LRRC7: variants seen among roughly 807,000 people sequenced by gnomAD.
LRRC7 encodes leucine-rich repeat-containing protein 7.
A neutral mutation model predicts 175.7 loss-of-function variants in LRRC7; 23 were observed. That is an observed-to-expected ratio of 0.13 (90% CI 0.09 to 0.19). The LOEUF (loss-of-function observed/expected upper bound fraction) is 0.19, where lower values mean the gene tolerates loss of function less well. LRRC7 is among the 10% of genes least tolerant of loss of function. The pLI is 1.00. For synonymous variants in LRRC7, 685 were observed against 680.9 expected, an observed-to-expected ratio of 1.01 and a Z score of -0.09; for missense variants, 1,354 against 1,904.7, an observed-to-expected ratio of 0.71 and a Z score of 5.38.
At chr1:69,712,239 C>T (rs1664837935) in intron 2 of LRRC7, among the ~76,000 whole-genome samples, 1 of 47,690 alleles carries the variant, frequency 2.1e-5, no homozygotes, top group Non-Finnish European at 4.6e-5. Context: ...AAAAAGAACA[C>T]ACACACACAC....
chr1:69,917,078 G>A lies in LRRC7; in HGVS notation c.648-14429G>A, dbSNP rs143845595. 2.6e-5 allele frequency among the ~76,000 whole-genome samples: 4 copies of A among 152,216 alleles called. No homozygotes were observed. The East Asian group carries it at 5.8e-4, about 22-fold the overall frequency. On this transcript the variant is annotated intron_variant, in intron 7 of 26. Coordinates refer to ENST00000651989, the MANE Select transcript of LRRC7 (RefSeq NM_001370785.2). ...ATTTCAACAATTTTACATGTATAATGTAACTATAGATTGGTAAATATTTAA... is the reference window on the plus strand; with the variant it reads ...ATTTCAACAATTTTACATGTATAATATAACTATAGATTGGTAAATATTTAA...
intron 21 of LRRC7, among the ~76,000 whole-genome samples, chr1:70,043,307 G>A (rs1429707657): frequency 6.6e-6 from 1 of 151,876 alleles, no homozygotes. Context: ...TAATTTTTAA[G>A]AAACAAAAAA....
At chr1:70,108,805 C>A (rs928922909) in intron 26 of LRRC7, among the ~76,000 whole-genome samples, 8 of 152,178 alleles carry the variant, frequency 5.3e-5, no homozygotes, top group Non-Finnish European at 1.5e-5. Flanking sequence ...AACCTTAGAT[C>A]AACTATACAA....
intron 8 of LRRC7, among the ~76,000 whole-genome samples, chr1:69,971,663 G>A (rs1229857549): frequency 6.6e-6 from 1 of 152,008 alleles, no homozygotes; most frequent in Non-Finnish European, 1.5e-5. Flanking sequence ...TCATGGATGG[G>A]TAGAATCAAT....
chr1:69,792,273 C>A lies in LRRC7; in HGVS notation c.421+113C>A, dbSNP rs568326175. 6 of 675,400 alleles carry A rather than the reference C, an allele frequency of 8.9e-6. No individual in the cohort carries two copies. The East Asian group carries it at 1.6e-4, about 18-fold the overall frequency. 41.8% of individuals were successfully genotyped at this position (675,400 alleles called of 1,614,324 possible). On this transcript the variant is annotated intron_variant, in intron 4 of 26. Coordinates refer to ENST00000651989, the MANE Select transcript of LRRC7 (RefSeq NM_001370785.2). ...AACTTTTTCTTTGATTTTGTTGCAA[C>A]TGTAGTTTAATGCTCTTGTAAAGTT...
intron 7 of LRRC7, among the ~76,000 whole-genome samples, chr1:69,898,723 C>T (rs930976225): frequency 2.0e-5 from 3 of 152,114 alleles, no homozygotes; most frequent in Non-Finnish European, 4.4e-5. Flanking sequence ...TGGTCAGGAA[C>T]TTCTGTAGAT....
At chr1:69,641,974 G>A (rs2100433751) in intron 1 of LRRC7, among the ~76,000 whole-genome samples, 1 of 151,936 alleles carries the variant, frequency 6.6e-6, no homozygotes, top group East Asian at 1.9e-4. Context: ...TAAGCTAGCT[G>A]TTAGAGCTTC....
At chr1:70,041,522 C>T (rs1378673150) in intron 21 of LRRC7, among the ~76,000 whole-genome samples, 4 of 152,220 alleles carry the variant, frequency 2.6e-5, no homozygotes, top group African/African-American at 9.6e-5. Flanking sequence ...CAAGTATACC[C>T]TCCATGTAGA....
chr1:69,889,681 C>G (rs770853411), intron 7 of LRRC7, among the ~76,000 whole-genome samples: 1 of 151,794 alleles, frequency 6.6e-6, no homozygotes, highest in Non-Finnish European at 1.5e-5. Flanking sequence ...GTGTCATGCA[C>G]CTGTAGTCCC....
At chr1:69,833,769 C>T (rs2101319670) in intron 5 of LRRC7, among the ~76,000 whole-genome samples, 1 of 151,960 alleles carries the variant, frequency 6.6e-6, no homozygotes, top group Non-Finnish European at 1.5e-5. Flanking sequence ...CTTAGGAGGT[C>T]AGTGGAGGCC....
At chr1:69,787,879 G>A (rs1674665783) in intron 3 of LRRC7, among the ~76,000 whole-genome samples, 1 of 152,020 alleles carries the variant, frequency 6.6e-6, no homozygotes, top group Non-Finnish European at 1.5e-5. Flanking sequence ...AGATTTGGGT[G>A]GGGACACAGC....
At chr1:69,770,763 T>A (rs1672150538) in intron 3 of LRRC7, among the ~76,000 whole-genome samples, 1 of 152,216 alleles carries the variant, frequency 6.6e-6, no homozygotes. Flanking sequence ...CAAGGAATGT[T>A]CTGTAGCCTT....
At chr1:69,857,889 C>T (rs1227664925) in intron 7 of LRRC7, among the ~76,000 whole-genome samples, 4 of 152,110 alleles carry the variant, frequency 2.6e-5, no homozygotes, top group African/African-American at 7.3e-5. Flanking sequence ...ACCAAAACAG[C>T]ATGGTACTCG....
chr1:69,848,892 T>G (rs986881435), intron 7 of LRRC7, among the ~76,000 whole-genome samples: 2 of 152,120 alleles, frequency 1.3e-5, no homozygotes, highest in Admixed American at 1.3e-4. Flanking sequence ...TATTTTCTTT[T>G]GGCAATATGA....
At chr1:69,589,763 TG>T (rs35094254) in intron 1 of LRRC7, among the ~76,000 whole-genome samples, 14,332 of 152,266 alleles carry the variant, frequency 0.094, 746 homozygotes, top group Middle Eastern at 0.11. Context: ...TTTTTCTAGA[TG>T]GTGAAACACT....
intron 1 of LRRC7, among the ~76,000 whole-genome samples, chr1:69,639,281 A>G (rs1653847065): frequency 6.6e-6 from 1 of 151,726 alleles, no homozygotes; most frequent in African/African-American, 2.4e-5. Flanking sequence ...GTGTTTTTGT[A>G]TTGTATTGTT....
At position 70,044,083 on chromosome 1, in the gene LRRC7, C is replaced by T; in HGVS notation, c.4099C>T (p.Pro1367Ser). 1 of 1,612,844 alleles carries T rather than the reference C, an allele frequency of 6.2e-7. No individual in the cohort carries two copies. Among genetic ancestry groups the T allele is most frequent in the Non-Finnish European group, 8.5e-7 (1 of 1,179,350 alleles). ...GTCTAAATTTGATCATCAAGAACTA[C>T]CTCTTCAGAAAGTAAGTATGGACTG... Reference protein sequence around the residue: ...TKSKFDHQELPLQKTPSQQSN... With the variant: ...TKSKFDHQELSLQKTPSQQSN... The change falls in exon 22 of 27, where the codon CCT (proline) becomes TCT (serine). Residue 1367 changes from proline to serine, a missense_variant. Pro to Ser is a moderately conservative substitution (Grantham distance 74). Around this residue, in one of 4 missense-constraint regions of LRRC7, gnomAD observed 1,032 missense variants for 1,227.2 expected, o/e 0.84. Coordinates refer to ENST00000651989, the MANE Select transcript of LRRC7 (RefSeq NM_001370785.2).
At chr1:70,121,299 C>G (rs536500327) in intron 26 of LRRC7, among the ~76,000 whole-genome samples, 6 of 152,010 alleles carry the variant, frequency 3.9e-5, no homozygotes, top group Non-Finnish European at 7.4e-5. Context: ...GTGTATAAAC[C>G]AAGAACTTTC....
intron 20 of LRRC7, among the ~76,000 whole-genome samples, 189 bp from the exon 21 acceptor site, chr1:70,037,924 A>G (rs1659467970): frequency 6.6e-6 from 1 of 152,226 alleles, no homozygotes; most frequent in South Asian, 2.1e-4. Context: ...ACTAGGAAAA[A>G]AAAGTTAAAG....
Sources: allele counts gnomAD v4.1 joint callset (sites outside exome capture counted in the v4.1 genomes callset), GRCh38; gene constraint gnomAD v4.1.1; regional missense constraint gnomAD v4.1.1; transcripts MANE v1.5; gene names NCBI Gene and HGNC (gene_info 2026-07-23, HGNC 2026-07-21).